The following RBFOX1 variants were observed in gnomAD, a reference collection of about 807,000 sequenced individuals.
The protein encoded by RBFOX1 is RNA binding fox-1 homolog 1.
A neutral mutation model predicts 57.7 loss-of-function variants in RBFOX1; 8 were observed. That is an observed-to-expected ratio of 0.14 (90% CI 0.08 to 0.25). The LOEUF (loss-of-function observed/expected upper bound fraction) is 0.25, where lower values mean the gene tolerates loss of function less well. RBFOX1 is among the 10% of genes least tolerant of loss of function. The probability of loss-of-function intolerance (pLI) is 1.00; values close to 1 mark genes in which losing one functional copy is unlikely to be tolerated. For missense variants in RBFOX1, 611 were observed against 548.5 expected (o/e 1.11, Z -1.14); for synonymous variants, 326 against 222.4 (o/e 1.47, Z -4.15).
At chr16:7,276,356 G>T (rs148836921) in intron 4 of RBFOX1, among the ~76,000 whole-genome samples, 1 of 152,166 alleles carries the variant, frequency 6.6e-6, no homozygotes, top group Non-Finnish European at 1.5e-5. Flanking sequence ...AGGTTTGCTT[G>T]TGTCTTAGGA....
intron 2 of RBFOX1, among the ~76,000 whole-genome samples, chr16:6,390,812 G>T (rs909052258): frequency 1.3e-5 from 2 of 152,126 alleles, no homozygotes; most frequent in African/African-American, 4.8e-5. Flanking sequence ...GGGGCAGGAA[G>T]GAGGCTGGAG....
chr16:5,466,079 A>T lies in RBFOX1; in HGVS notation c.220-1137A>T, dbSNP rs182907495. Among the ~76,000 whole-genome samples the T allele has an allele frequency of 1.4e-4, 22 of 152,336 alleles. No homozygotes were observed. In the East Asian group the frequency reaches 3.7e-3, roughly 25 times the overall value. On this transcript the variant is annotated intron_variant, in intron 1 of 2. Coordinates refer to the RBFOX1 transcript ENST00000585867. ...GAAAGGTCTGACGTTTTGACAAGAA[A>T]AAAGGGAGTTATGGTATCTTCTCCC...
chr16:5,261,132 A>G (rs2062721562), intron 1 of RBFOX1: 1 of 152,224 alleles, frequency 6.6e-6, no homozygotes, highest in African/African-American at 2.4e-5. Flanking sequence ...GACCTGATTA[A>G]TTGACTTAAT....
chr16:7,713,243 G>C lies in RBFOX1; in HGVS notation c.*2498G>C, dbSNP rs1409042715. 1 of 152,184 alleles carries C rather than the reference G, an allele frequency of 6.6e-6. No homozygotes were observed. Among genetic ancestry groups the C allele is most frequent in the Non-Finnish European group, 1.5e-5 (1 of 68,042 alleles). The allele number at this position is 152,184 out of a possible 1,614,324, so 9.4% of individuals were successfully genotyped here. On this transcript the variant is annotated 3_prime_UTR_variant, in exon 16 of 16. Transcript: ENST00000550418. ...GCAAACCCAGAAAATGTGTATATCT[G>C]TCTTTAGAAATTAGTGTTTATATCA...
At chr16:6,198,813 T>C (rs2097197124) in intron 1 of RBFOX1, among the ~76,000 whole-genome samples, 1 of 152,028 alleles carries the variant, frequency 6.6e-6, no homozygotes, top group Non-Finnish European at 1.5e-5. Flanking sequence ...TAAACAAAAT[T>C]ATATTGAGGG....
chr16:5,915,661 G>A (rs186437941), intron 4 of RBFOX1, among the ~76,000 whole-genome samples: 10 of 152,114 alleles, frequency 6.6e-5, no homozygotes, highest in Admixed American at 5.2e-4. Flanking sequence ...GTAAAACCCT[G>A]TCTCTACTAA....
chr16:6,208,044 GTA>G (rs1312622944), intron 1 of RBFOX1, among the ~76,000 whole-genome samples: 1 of 151,738 alleles, frequency 6.6e-6, no homozygotes, highest in Non-Finnish European at 1.5e-5. Flanking sequence ...ATATATATGT[GTA>G]TATATATGTG....
intron 1 of RBFOX1, among the ~76,000 whole-genome samples, chr16:5,447,431 C>G (rs911004792): frequency 1.3e-5 from 2 of 149,292 alleles, no homozygotes; most frequent in Non-Finnish European, 3.0e-5. Context: ...TGCTGTTTCA[C>G]CCATGCTGGA....
In RBFOX1 at chr16:7,488,819, T is replaced by C. The variant is rs76758698; in HGVS notation, c.28-29328T>C. Among the ~76,000 whole-genome samples, 1,046 of 152,308 alleles carry C rather than the reference T, an allele frequency of 6.9e-3. 8 individuals carry two copies. Among genetic ancestry groups the C allele is most frequent in the African/African-American group, 0.024 (989 of 41,558 alleles). ...CCATACATTAATCTATCCATCCATC[T>C]ATCCATCTATACATTCTCACATCCA... On this transcript the variant is annotated intron_variant, in intron 4 of 15. Transcript: ENST00000550418.
At chr16:6,082,091 G>T (rs1257936647) in intron 1 of RBFOX1, among the ~76,000 whole-genome samples, 2 of 151,836 alleles carry the variant, frequency 1.3e-5, no homozygotes, top group African/African-American at 4.8e-5. Flanking sequence ...GAGGATTTTG[G>T]TGGTACCTGA....
intron 2 of RBFOX1, among the ~76,000 whole-genome samples, chr16:6,540,162 C>A (rs1002608902): frequency 6.6e-6 from 1 of 152,018 alleles, no homozygotes. Context: ...CTTGGGGAAT[C>A]CTATTTGTGA....
At chr16:6,729,763 T>A (rs761861965) in intron 3 of RBFOX1, among the ~76,000 whole-genome samples, 6 of 152,128 alleles carry the variant, frequency 3.9e-5, no homozygotes, top group Non-Finnish European at 8.8e-5. Flanking sequence ...AAAGTCACAC[T>A]CTGTGTTCAC....
intron 3 of RBFOX1, among the ~76,000 whole-genome samples, chr16:5,770,716 G>A (rs529049244): frequency 2.0e-5 from 3 of 152,132 alleles, no homozygotes; most frequent in Admixed American, 6.5e-5. Context: ...TTTGGTGCTC[G>A]CCTGCATCAA....
intron 4 of RBFOX1, among the ~76,000 whole-genome samples, chr16:7,267,109 C>G (rs2095173292): frequency 6.6e-6 from 1 of 152,144 alleles, no homozygotes; most frequent in South Asian, 2.1e-4. Flanking sequence ...TTGAGTGTTA[C>G]CTATTAAATG....
At chr16:5,251,451 C>T (rs533368532) in intron 1 of RBFOX1, among the ~76,000 whole-genome samples, 1 of 152,272 alleles carries the variant, frequency 6.6e-6, no homozygotes, top group African/African-American at 2.4e-5. Context: ...TTACCGGGGG[C>T]ATTGTCTTAG....
At chr16:7,442,263 C>G (rs1021031201) in intron 4 of RBFOX1, among the ~76,000 whole-genome samples, 1 of 152,124 alleles carries the variant, frequency 6.6e-6, no homozygotes, top group Admixed American at 6.6e-5. Context: ...CATCCCCAAG[C>G]GAGAAGCTGG....
At chr16:5,243,114 T>C (rs2062209592) in intron 1 of RBFOX1, among the ~76,000 whole-genome samples, 1 of 152,152 alleles carries the variant, frequency 6.6e-6, no homozygotes, top group South Asian at 2.1e-4. Flanking sequence ...TCCCCAAGCC[T>C]TTATTGACCG....
chr16:5,784,254 T>C (rs933738502), intron 3 of RBFOX1, among the ~76,000 whole-genome samples: 4 of 152,094 alleles, frequency 2.6e-5, no homozygotes, highest in African/African-American at 9.7e-5. Context: ...ACCCCGTCTC[T>C]ACTAAAAATA....
chr16:7,534,190 G>A (rs368156519), intron 5 of RBFOX1, among the ~76,000 whole-genome samples: 17 of 151,188 alleles, frequency 1.1e-4, no homozygotes, highest in Admixed American at 7.9e-4. Flanking sequence ...AGGTTCAGGC[G>A]ATTCTCCTGC....
Sources: allele counts gnomAD v4.1 joint callset (sites outside exome capture counted in the v4.1 genomes callset), GRCh38; gene constraint gnomAD v4.1.1; transcripts MANE v1.5; gene names NCBI Gene and HGNC (gene_info 2026-07-23, HGNC 2026-07-21).